Variants in LIMCH1 observed in about 807,000 individuals in gnomAD.
The protein encoded by LIMCH1 is LIM and calponin homology domains-containing protein 1.
A neutral mutation model predicts 176.5 loss-of-function variants in LIMCH1; 113 were observed. That is an observed-to-expected ratio of 0.64 (90% CI 0.55 to 0.75). The LOEUF is 0.75. Among genes scored for constraint, LIMCH1 ranks in the 30% least tolerant of loss-of-function variants. LIMCH1 has a pLI of 0.00. For synonymous variants in LIMCH1, 619 were observed against 645.9 expected (o/e 0.96, Z 0.63); for missense variants, 1,674 against 1,814.9 (o/e 0.92, Z 1.41).
At chr4:41,500,796 G>A (rs1253178598) in intron 2 of LIMCH1, among the ~76,000 whole-genome samples, 1 of 152,176 alleles carries the variant, frequency 6.6e-6, no homozygotes, top group Admixed American at 6.5e-5. Context: ...GGGCCTGGTA[G>A]TCCCACTTGG....
intron 1 of LIMCH1, among the ~76,000 whole-genome samples, chr4:41,587,459 T>C (rs1240647726): frequency 6.6e-6 from 1 of 152,132 alleles, no homozygotes; most frequent in East Asian, 1.9e-4. Context: ...CAGCCTTCAA[T>C]AATGAAACTT....
intron 1 of LIMCH1, among the ~76,000 whole-genome samples, chr4:41,462,778 G>C (rs2065558875): frequency 1.3e-5 from 2 of 152,090 alleles, no homozygotes; most frequent in Admixed American, 6.5e-5. Flanking sequence ...ACATAAAAGA[G>C]GAAAAGTCTG....
intron 2 of LIMCH1, among the ~76,000 whole-genome samples, chr4:41,497,398 TG>T (rs1279649460): frequency 6.6e-6 from 1 of 152,176 alleles, no homozygotes; most frequent in Non-Finnish European, 1.5e-5. Flanking sequence ...CTGACCAGCC[TG>T]GTTTCAAACT....
chr4:41,645,103 C>T (rs1338190175), intron 15 of LIMCH1, among the ~76,000 whole-genome samples: 2 of 152,208 alleles, frequency 1.3e-5, no homozygotes, highest in Non-Finnish European at 2.9e-5. Flanking sequence ...AATCCCAGCA[C>T]AGCTGTCACT....
At chr4:41,490,697 A>G (rs763763312) in intron 1 of LIMCH1, among the ~76,000 whole-genome samples, 2 of 152,220 alleles carry the variant, frequency 1.3e-5, no homozygotes, top group Non-Finnish European at 2.9e-5. Flanking sequence ...AGACACAGTA[A>G]CAATCTGATC....
At chr4:41,419,697 T>G (rs140812988) in intron 1 of LIMCH1, among the ~76,000 whole-genome samples, 1,403 of 88,396 alleles carry the variant, frequency 0.016, 115 homozygotes, top group African/African-American at 0.071. Context: ...CCTTCCTTCC[T>G]TCCTTCCTTC....
At position 41,492,557 on chromosome 4, in the gene LIMCH1, A is replaced by G. The variant is rs189477141; in HGVS notation, c.97-1979A>G. Among the ~76,000 whole-genome samples the G allele has an allele frequency of 4.3e-3, 658 of 152,304 alleles. 1 individual carries two copies. Among genetic ancestry groups the G allele is most frequent in the African/African-American group, 9.2e-3 (383 of 41,552 alleles). ...ATTTGGACTGTCTTCATAAATGCTC[A>G]CTGTGAACTTAAAAAAATGTACATT... On this transcript the variant is annotated intron_variant, in intron 1 of 26. Coordinates refer to the LIMCH1 transcript ENST00000313860.
At chr4:41,439,828 C>T (rs2062510195) in intron 1 of LIMCH1, among the ~76,000 whole-genome samples, 1 of 151,914 alleles carries the variant, frequency 6.6e-6, no homozygotes, top group Admixed American at 6.6e-5. Flanking sequence ...CACTTGAACC[C>T]GGGAGGCAGA....
At chr4:41,367,806 G>T (rs1414959771) in intron 1 of LIMCH1, among the ~76,000 whole-genome samples, 4 of 149,452 alleles carry the variant, frequency 2.7e-5, no homozygotes, top group Non-Finnish European at 5.9e-5. Flanking sequence ...GGCGGAACTT[G>T]CAGTGAGCCA....
chr4:41,583,354 G>A (rs954319088), intron 1 of LIMCH1, among the ~76,000 whole-genome samples: 2 of 152,042 alleles, frequency 1.3e-5, no homozygotes, highest in African/African-American at 2.4e-5. Flanking sequence ...CCCCTCCATG[G>A]TGACCTTTTT....
chr4:41,363,670 G>T (rs966697130), intron 1 of LIMCH1, among the ~76,000 whole-genome samples: 3 of 152,114 alleles, frequency 2.0e-5, no homozygotes, highest in Non-Finnish European at 4.4e-5. Context: ...GTGTTACTGG[G>T]CAGGAAATGT....
upstream of LIMCH1, among the ~76,000 whole-genome samples, chr4:41,360,064 T>C (rs1488817617): frequency 6.6e-6 from 1 of 151,822 alleles, no homozygotes; most frequent in Non-Finnish European, 1.5e-5. This position sits in a 1 kb window ranked among gnomAD's most constrained non-coding sequence, Gnocchi z 4.5. Context: ...TGTGTTTCCA[T>C]CTCTGCGTCC....
At chr4:41,667,940 G>C (rs555212975) in intron 21 of LIMCH1, among the ~76,000 whole-genome samples, 1 of 150,470 alleles carries the variant, frequency 6.6e-6, no homozygotes, top group Non-Finnish European at 1.5e-5. Flanking sequence ...AGACCAGCCT[G>C]TGCAACATAG....
At chr4:41,662,790 C>T (rs769734012) in intron 19 of LIMCH1, 31 bp from the exon 20 acceptor site, 1 of 1,547,666 alleles carries the variant, frequency 6.5e-7, no homozygotes, top group East Asian at 3.0e-5. Context: ...TCTTTTCCTT[C>T]TGTACGTTTC....
intron 1 of LIMCH1, among the ~76,000 whole-genome samples, chr4:41,491,234 T>TG (rs2070869069): frequency 9.2e-6 from 1 of 108,358 alleles, no homozygotes; most frequent in Non-Finnish European, 1.9e-5. Flanking sequence ...ACTTCCCAGA[T>TG]GGGGCGGCCG....
At chr4:41,623,852 A>C (rs980337870) in intron 7 of LIMCH1, among the ~76,000 whole-genome samples, 3 of 152,256 alleles carry the variant, frequency 2.0e-5, no homozygotes, top group African/African-American at 7.2e-5. Context: ...CTTCCTGTCA[A>C]ACAATATATT....
intron 1 of LIMCH1, among the ~76,000 whole-genome samples, chr4:41,487,653 C>CTTTT (rs149754932): frequency 4.1e-4 from 44 of 108,168 alleles, no homozygotes; most frequent in Non-Finnish European, 5.4e-4. Context: ...TTTTTATATT[C>CTTTT]TTTTTTTTTT....
In LIMCH1 at chr4:41,632,500, A is replaced by G. The variant is rs112527772; in HGVS notation, c.1602-249A>G. The stretch of plus-strand genomic sequence containing the variant: ...AAGAAATACGTCCTCGAGGCCTTGA[A>G]TCCTGAGAGGCCCATCATTCAGTCT... On this transcript the variant is annotated intron_variant, in intron 10 of 31. Coordinates refer to ENST00000503057, the MANE Select transcript of LIMCH1 (RefSeq NM_001330672.2). Among the ~76,000 whole-genome samples the G allele has an allele frequency of 7.4e-3, 1,120 of 152,226 alleles. 24 individuals carry two copies. The highest frequency in any genetic ancestry group is 0.025 in the African/African-American group (1,046 of 41,518).
chr4:41,394,989 A>G (rs1440401240), intron 1 of LIMCH1, among the ~76,000 whole-genome samples: 1 of 152,210 alleles, frequency 6.6e-6, no homozygotes, highest in Non-Finnish European at 1.5e-5. Flanking sequence ...ACTTCTTGAT[A>G]TCTGAGAAAC....
Sources: allele counts gnomAD v4.1 joint callset (sites outside exome capture counted in the v4.1 genomes callset), GRCh38; gene constraint gnomAD v4.1.1; non-coding constraint Gnocchi (gnomAD v3.1); transcripts MANE v1.5; gene names NCBI Gene and HGNC (gene_info 2026-07-23, HGNC 2026-07-21).